Variants in ARHGAP24 observed in about 807,000 individuals in gnomAD.
ARHGAP24 encodes the protein rho GTPase-activating protein 24.
ARHGAP24 carries 50 observed loss-of-function variants against 76.4 expected under a neutral mutation model. The observed-to-expected ratio is 0.65, with a 90% CI of 0.52 to 0.83. The LOEUF (loss-of-function observed/expected upper bound fraction) is 0.83, where lower values mean the gene tolerates loss of function less well. Ranked by LOEUF, ARHGAP24 falls within the 40% of genes least tolerant of loss-of-function variation. ARHGAP24 has a pLI of 0.00. For missense variants in ARHGAP24, 930 were observed against 914.2 expected (o/e 1.02, Z -0.22); for synonymous variants, 345 against 323.3 (o/e 1.07, Z -0.72).
chr4:85,591,662 A>C (rs1728115869), intron 2 of ARHGAP24, among the ~76,000 whole-genome samples: 1 of 152,154 alleles, frequency 6.6e-6, no homozygotes, highest in South Asian at 2.1e-4. Context: ...AGAAAGATTT[A>C]CTTTTTATAA....
intron 3 of ARHGAP24, among the ~76,000 whole-genome samples, chr4:85,796,074 G>A (rs1728327575): frequency 6.6e-6 from 1 of 152,002 alleles, no homozygotes; most frequent in Non-Finnish European, 1.5e-5. Flanking sequence ...ATAATATTAG[G>A]TTGGTGCAAA....
Position 85,995,422 on chromosome 4 carries a change from G to A in ARHGAP24, c.1768G>A (p.Asp590Asn), listed in dbSNP as rs1379378135. The change falls in exon 9 of 10, where the codon GAC becomes AAC. Residue 590 changes from aspartate to asparagine, a missense_variant. Asp to Asn is a conservative substitution (Grantham distance 23). Transcript: ENST00000395184. ...AGACTTTTTTGGGGGGAACTTTGAG[G>A]ACCCTGTTTTGGATGGGCCCCCGCA... ...EQDFFGGNFEDPVLDGPPQDD... is the reference protein window; with the variant it reads ...EQDFFGGNFENPVLDGPPQDD... The A allele has an allele frequency of 1.2e-6, 2 of 1,612,168 alleles. No individual in the cohort carries two copies. Among genetic ancestry groups the A allele is most frequent in the African/African-American group, 2.7e-5 (2 of 74,798 alleles).
In ARHGAP24 at chr4:85,790,107, G is replaced by T. The variant is rs538728793; in HGVS notation, c.268+68135G>T. On this transcript the variant is annotated intron_variant, in intron 3 of 9. Coordinates refer to ENST00000395184, the MANE Select transcript of ARHGAP24 (RefSeq NM_001025616.3). ...GTATCTGATTCAACTAATCTGATAT[G>T]GGGCCCCAGAATATGCATTTTAACA... 2.6e-5 allele frequency among the ~76,000 whole-genome samples: 4 copies of T among 152,066 alleles called. 1 individual carries two copies. The highest frequency in any genetic ancestry group is 9.6e-5 in the African/African-American group (4 of 41,490).
At position 85,609,330 on chromosome 4, in the gene ARHGAP24, T is replaced by C. The variant is rs185014996; in HGVS notation, c.180+38609T>C. Among the ~76,000 whole-genome samples the C allele has an allele frequency of 5.7e-3, 866 of 152,280 alleles. 7 individuals carry two copies. Among genetic ancestry groups the C allele is most frequent in the Non-Finnish European group, 0.01 (710 of 68,024 alleles). ...GTGTTGTTTCCGTTTTATTCTGGAA[T>C]GTATGCCTCCATTACACTGTCCTCG... On this transcript the variant is annotated intron_variant, in intron 2 of 9. Coordinates refer to ENST00000395184, the MANE Select transcript of ARHGAP24 (RefSeq NM_001025616.3).
At chr4:85,823,806 C>T (rs901960367) in intron 3 of ARHGAP24, among the ~76,000 whole-genome samples, 5 of 152,062 alleles carry the variant, frequency 3.3e-5, no homozygotes, top group African/African-American at 7.2e-5. Context: ...CAGGTTCCTT[C>T]CTTCCTTCCT....
intron 2 of ARHGAP24, among the ~76,000 whole-genome samples, chr4:85,630,738 T>G (rs912234478): frequency 6.6e-6 from 1 of 151,952 alleles, no homozygotes; most frequent in Non-Finnish European, 1.5e-5. Flanking sequence ...AAAGAATTAT[T>G]TAAATAATAA....
intron 3 of ARHGAP24, among the ~76,000 whole-genome samples, chr4:85,763,546 A>G (rs1726817416): frequency 6.6e-6 from 1 of 152,196 alleles, no homozygotes. Context: ...CCAACCAGTA[A>G]GAATGTAGAG....
At chr4:85,628,528 G>A (rs73833374) in intron 2 of ARHGAP24, among the ~76,000 whole-genome samples, 3,593 of 152,146 alleles carry the variant, frequency 0.024, 140 homozygotes, top group African/African-American at 0.082. Context: ...TATCTGTGGC[G>A]GTGTTCACAT....
chr4:85,887,529 C>T (rs1176122085), intron 3 of ARHGAP24, among the ~76,000 whole-genome samples: 2 of 152,132 alleles, frequency 1.3e-5, no homozygotes, highest in Non-Finnish European at 2.9e-5. Flanking sequence ...TCTCCAGAAA[C>T]ACCAGGACAT....
At chr4:85,554,457 G>T (rs1489701767) in intron 1 of ARHGAP24, among the ~76,000 whole-genome samples, 1 of 151,874 alleles carries the variant, frequency 6.6e-6, no homozygotes, top group Non-Finnish European at 1.5e-5. Flanking sequence ...TTATAGATTT[G>T]GTCTCTTTAC....
intron 3 of ARHGAP24, among the ~76,000 whole-genome samples, chr4:85,756,988 A>G (rs1726524140): frequency 6.6e-6 from 1 of 151,992 alleles, no homozygotes; most frequent in African/African-American, 2.4e-5. Context: ...CTGTTTTTTC[A>G]TCTTTATTTT....
rs1731493416 is a variant in ARHGAP24, at chr4:85,855,403, G to C, written c.269-68245G>C. On this transcript the variant is annotated intron_variant, in intron 3 of 9. Coordinates refer to ENST00000395184, the MANE Select transcript of ARHGAP24 (RefSeq NM_001025616.3). ...ATGTCTAGTCTTAATTTCACAGGAA[G>C]TCTGTACATCAAGAATCTGATGACT... Among the ~76,000 whole-genome samples the C allele has an allele frequency of 2.0e-5, 3 of 152,140 alleles. No homozygotes were observed. The South Asian group carries it at 6.2e-4, about 31-fold the overall frequency.
At chr4:85,877,087 A>G (rs1314409590) in intron 3 of ARHGAP24, among the ~76,000 whole-genome samples, 2 of 152,200 alleles carry the variant, frequency 1.3e-5, no homozygotes, top group African/African-American at 2.4e-5. Context: ...ATCTCTATGT[A>G]TCTATCTAGT....
At chr4:85,904,477 T>G (rs1006520936) in intron 3 of ARHGAP24, among the ~76,000 whole-genome samples, 4 of 152,220 alleles carry the variant, frequency 2.6e-5, no homozygotes, top group African/African-American at 7.2e-5. Context: ...ATTCAGCATG[T>G]GATCTGGGCA....
chr4:85,659,743 G>T (rs906690446), intron 2 of ARHGAP24, among the ~76,000 whole-genome samples: 1 of 152,078 alleles, frequency 6.6e-6, no homozygotes, highest in African/African-American at 2.4e-5. Context: ...TTTGTGAAGA[G>T]GACTTTTTCA....
At chr4:85,728,369 ATC>A (rs558509278) in intron 3 of ARHGAP24, among the ~76,000 whole-genome samples, 4 of 150,826 alleles carry the variant, frequency 2.7e-5, no homozygotes, top group Non-Finnish European at 3.0e-5. Context: ...AGACTTTATT[ATC>A]TCTCTCTCTC....
At chr4:85,875,095 C>T (rs1443529403) in intron 3 of ARHGAP24, among the ~76,000 whole-genome samples, 29 of 1,196 alleles carry the variant, frequency 0.024, 3 homozygotes, top group Admixed American at 0.056. Context: ...ATATATTTAT[C>T]TTATATATTA....
At chr4:85,589,817 G>C (rs1441763576) in intron 2 of ARHGAP24, among the ~76,000 whole-genome samples, 1 of 152,100 alleles carries the variant, frequency 6.6e-6, no homozygotes, top group Non-Finnish European at 1.5e-5. Context: ...TTTCAAAATA[G>C]ATTCAAGAGT....
chr4:85,579,402 T>C (rs1379813680), intron 2 of ARHGAP24, among the ~76,000 whole-genome samples: 1 of 152,078 alleles, frequency 6.6e-6, no homozygotes, highest in Non-Finnish European at 1.5e-5. Context: ...TTTACATTTT[T>C]GGTGTTTACA....
Sources: allele counts gnomAD v4.1 joint callset (sites outside exome capture counted in the v4.1 genomes callset), GRCh38; gene constraint gnomAD v4.1.1; transcripts MANE v1.5; gene names NCBI Gene and HGNC (gene_info 2026-07-23, HGNC 2026-07-21).